The following GPM6A variants were observed in gnomAD, a reference collection of about 807,000 sequenced individuals.
GPM6A encodes neuronal membrane glycoprotein M6-a.
A neutral mutation model predicts 32.1 loss-of-function variants in GPM6A; 7 were observed. The observed-to-expected ratio is 0.22, with a 90% confidence interval of 0.12 to 0.41. The LOEUF (loss-of-function observed/expected upper bound fraction) is 0.41. GPM6A is among the 10% of genes least tolerant of loss of function. The pLI is 1.00. For synonymous variants in GPM6A, 130 were observed against 123.4 expected (o/e 1.05, Z -0.35); for missense variants, 235 against 347.2 (o/e 0.68, Z 2.57).
At chr4:175,965,629 T>C (rs867558366) in intron 1 of GPM6A, among the ~76,000 whole-genome samples, 3 of 151,244 alleles carry the variant, frequency 2.0e-5, no homozygotes, top group African/African-American at 7.3e-5. Context: ...TTTTTTTTTT[T>C]CCAAGACAGA....
At chr4:175,642,387 C>A (rs1425215693) in intron 4 of GPM6A, among the ~76,000 whole-genome samples, 1 of 152,140 alleles carries the variant, frequency 6.6e-6, no homozygotes. Context: ...AGCAAAACAC[C>A]TAGAAAGTGT....
At chr4:175,830,729 G>A (rs575656212) in intron 1 of GPM6A, among the ~76,000 whole-genome samples, 2 of 152,046 alleles carry the variant, frequency 1.3e-5, no homozygotes, top group East Asian at 3.9e-4. Flanking sequence ...TATATGTCAC[G>A]TATGCATGCC....
At chr4:175,958,821 TAC>T (rs1056773161) in intron 1 of GPM6A, among the ~76,000 whole-genome samples, 34 of 152,214 alleles carry the variant, frequency 2.2e-4, no homozygotes, top group African/African-American at 8.2e-4. Flanking sequence ...AATCACAGTT[TAC>T]ACTCTTACTG....
At chr4:175,944,194 G>A (rs563761683) in intron 1 of GPM6A, among the ~76,000 whole-genome samples, 1 of 152,218 alleles carries the variant, frequency 6.6e-6, no homozygotes, top group African/African-American at 2.4e-5. Context: ...TTAAAATTAT[G>A]TACCAATGTC....
chr4:175,962,116 ACCATCCGGACCCAG>A, intron 1 of GPM6A: 2 of 762,714 alleles, frequency 2.6e-6, no homozygotes, highest in Admixed American at 3.5e-5. Context: ...CATGCTGTGC[ACCATCCGGACCCAG>A]TGACAATGTT....
chr4:175,634,821 T>G lies in GPM6A; in HGVS notation c.*84A>C. 2 of 1,128,996 alleles carry G rather than the reference T, an allele frequency of 1.8e-6. No homozygotes were observed. 69.9% of individuals were successfully genotyped at this position (1,128,996 alleles called of 1,614,324 possible). On this transcript the variant is annotated 3_prime_UTR_variant, in exon 7 of 7. Transcript: ENST00000393658. Reference sequence around the variant, plus strand: ...TATCATTGATGAGAAGCACTTTCGTTTTGTTTTTTAAAGGTTGGATGGTTG... The same window carrying G: ...TATCATTGATGAGAAGCACTTTCGTGTTGTTTTTTAAAGGTTGGATGGTTG...
chr4:175,776,728 ATTAT>A (rs1215491190), intron 1 of GPM6A, among the ~76,000 whole-genome samples: 104 of 152,314 alleles, frequency 6.8e-4, no homozygotes, highest in African/African-American at 2.3e-3. Context: ...ACACTTACAC[ATTAT>A]TTATCGAACC....
At position 175,912,453 on chromosome 4, in the gene GPM6A, G is replaced by A. The variant is rs367699663; in HGVS notation, c.-23+89856C>T. Among the ~76,000 whole-genome samples, 33 of 152,138 alleles carry A rather than the reference G, an allele frequency of 2.2e-4. No homozygotes were observed. The East Asian group carries it at 3.3e-3, about 15-fold the overall frequency. On this transcript the variant is annotated intron_variant, in intron 1 of 7. Transcript: ENST00000280187. The stretch of plus-strand genomic sequence containing the variant: ...GTGGATCACCTGAGGTCAGGAGTTC[G>A]AGACCAGCCAGGCCAACGTGGTGAA...
intron 1 of GPM6A, among the ~76,000 whole-genome samples, chr4:175,731,341 C>T (rs1425808562): frequency 1.3e-5 from 2 of 152,142 alleles, no homozygotes; most frequent in East Asian, 1.9e-4. Flanking sequence ...ACCACACCTC[C>T]GCCACACCTT....
chr4:175,980,783 T>A (rs1282457641), intron 1 of GPM6A, among the ~76,000 whole-genome samples: 1 of 152,208 alleles, frequency 6.6e-6, no homozygotes, highest in Admixed American at 6.5e-5. Flanking sequence ...GAGTTAGGAA[T>A]CCTAAGGCTT....
chr4:175,920,676 C>A (rs932907346), intron 1 of GPM6A, among the ~76,000 whole-genome samples: 1 of 151,892 alleles, frequency 6.6e-6, no homozygotes, highest in African/African-American at 2.4e-5. Flanking sequence ...GATGAAACCC[C>A]GTCTTTACTA....
At chr4:175,672,288 G>C (rs932853273) in intron 3 of GPM6A, among the ~76,000 whole-genome samples, 2 of 152,142 alleles carry the variant, frequency 1.3e-5, no homozygotes, top group Admixed American at 1.3e-4. Context: ...TCACAGACTC[G>C]TTGAGCTGGA....
chr4:175,960,267 A>T (rs1579665875), intron 1 of GPM6A, among the ~76,000 whole-genome samples: 1 of 152,320 alleles, frequency 6.6e-6, no homozygotes, highest in South Asian at 2.1e-4. Flanking sequence ...TAAAAAAATT[A>T]AACTAGGATT....
chr4:175,798,730 T>C (rs1362212968), intron 1 of GPM6A: 1 of 152,214 alleles, frequency 6.6e-6, no homozygotes, highest in African/African-American at 2.4e-5. Context: ...TCTTTTCTGT[T>C]AGTCTCTTAA....
At chr4:175,772,100 G>C (rs114832110) in intron 1 of GPM6A, among the ~76,000 whole-genome samples, 4,466 of 152,224 alleles carry the variant, frequency 0.029, 214 homozygotes, top group African/African-American at 0.1. Context: ...CAAGGGGAAG[G>C]ATAAGGGTAT....
chr4:175,891,360 T>TA (rs1737643058), intron 1 of GPM6A: 1 of 152,236 alleles, frequency 6.6e-6, no homozygotes, highest in Non-Finnish European at 1.5e-5. Flanking sequence ...TCCCTTCTTT[T>TA]AGGTAAGATT....
intron 1 of GPM6A, among the ~76,000 whole-genome samples, chr4:175,922,924 A>G (rs1026679452): frequency 3.2e-4 from 48 of 152,142 alleles, no homozygotes; most frequent in African/African-American, 1.1e-3. Context: ...GCAGTTATAA[A>G]CAGAAACACA....
rs115284017 is a variant in GPM6A at position 175,709,454 on chromosome 4, T to A, written c.38-7687A>T. ...TTTGCTATTAAAATAAACAGGCTGG[T>A]CACGGTGGCTCAAGCCTGTAATCCC... is the stretch of plus-strand genomic sequence containing the variant. On this transcript the variant is annotated intron_variant, in intron 1 of 6. Transcript: ENST00000393658. Among the ~76,000 whole-genome samples the A allele has an allele frequency of 9.9e-3, 1,508 of 152,120 alleles. 23 individuals are homozygous for A. Among genetic ancestry groups the A allele is most frequent in the African/African-American group, 0.034 (1,404 of 41,506 alleles).
At chr4:175,692,255 T>C (rs1744340560) in intron 2 of GPM6A, among the ~76,000 whole-genome samples, 1 of 152,122 alleles carries the variant, frequency 6.6e-6, no homozygotes. Flanking sequence ...TGGGATAAAT[T>C]CCTAGAAAAA....
Sources: gnomAD v4.1 joint callset for allele counts (sites outside exome capture counted in the v4.1 genomes callset) on GRCh38, gnomAD v4.1.1 for gene constraint, MANE v1.5 for transcripts, NCBI Gene and HGNC (gene_info 2026-07-23, HGNC 2026-07-21) for gene names.